Variants in CEP70 observed in about 807,000 individuals in gnomAD.
CEP70 encodes centrosomal protein 70.
CEP70 carries 70 observed loss-of-function variants against 90.9 expected under a neutral mutation model. That is an observed-to-expected ratio of 0.77 (90% confidence interval 0.64 to 0.94). CEP70 has a LOEUF of 0.94. Among genes scored for constraint, CEP70 ranks in the 40% least tolerant of loss-of-function variants. The pLI, the probability that CEP70 is intolerant of heterozygous loss-of-function variation, is 0.00. For missense variants in CEP70, 648 were observed against 669.0 expected, an observed-to-expected ratio of 0.97 and a Z score of 0.35; for synonymous variants, 220 against 228.3, an observed-to-expected ratio of 0.96 and a Z score of 0.33.
intron 6 of CEP70, among the ~76,000 whole-genome samples, chr3:138,548,368 A>T (rs1230558165): frequency 6.6e-6 from 1 of 152,198 alleles, no homozygotes; most frequent in African/African-American, 2.4e-5. Flanking sequence ...CCTTTCTAAG[A>T]TCATGGTATG....
intron 7 of CEP70, among the ~76,000 whole-genome samples, chr3:138,535,385 C>CA (rs147044984): frequency 9.7e-4 from 148 of 152,282 alleles, no homozygotes; most frequent in African/African-American, 3.5e-3. Context: ...CTATCTGCCC[C>CA]ACCTTATAGT....
In CEP70 at chr3:138,592,043, A is replaced by C. The variant is rs2042408749; in HGVS notation, c.-108-87T>G. The C allele has an allele frequency of 7.2e-6, 4 of 559,206 alleles. No homozygotes were observed. The East Asian group carries it at 1.3e-4, about 18-fold the overall frequency. 34.6% of individuals were successfully genotyped at this position (559,206 alleles called of 1,614,324 possible). On this transcript the variant is annotated intron_variant, in intron 1 of 17. Transcript: ENST00000264982. ...GTCTTGTGTTACTCCCAGAGCAGGCATCCAAGGTACTGGTAATCACAGATA... is the reference window on the plus strand; with the variant it reads ...GTCTTGTGTTACTCCCAGAGCAGGCCTCCAAGGTACTGGTAATCACAGATA...
At chr3:138,517,902 G>A (rs2036200742) in intron 11 of CEP70, among the ~76,000 whole-genome samples, 1 of 152,228 alleles carries the variant, frequency 6.6e-6, no homozygotes, top group South Asian at 2.1e-4. Flanking sequence ...CACCCGGGAA[G>A]CACAAAGGGT....
intron 6 of CEP70, among the ~76,000 whole-genome samples, chr3:138,554,138 T>G (rs148527699): frequency 6.6e-6 from 1 of 151,318 alleles, no homozygotes; most frequent in Non-Finnish European, 1.5e-5. Flanking sequence ...GAGGCGGAGA[T>G]TTCAGTGAGC....
intron 13 of CEP70, among the ~76,000 whole-genome samples, chr3:138,504,324 A>C (rs184030504): frequency 6.4e-4 from 97 of 152,232 alleles, no homozygotes; most frequent in African/African-American, 2.1e-3. Context: ...GTCGAAATTT[A>C]AAAAAAATTA....
intron 11 of CEP70, among the ~76,000 whole-genome samples, chr3:138,524,841 T>G (rs1560329746): frequency 6.6e-6 from 1 of 152,224 alleles, no homozygotes; most frequent in Non-Finnish European, 1.5e-5. Context: ...TCAACCATTG[T>G]GGAAGACAGT....
chr3:138,515,848 C>G (rs2035964810), intron 11 of CEP70, among the ~76,000 whole-genome samples: 1 of 152,152 alleles, frequency 6.6e-6, no homozygotes, highest in Non-Finnish European at 1.5e-5. Context: ...CTACATCCTC[C>G]TTCTCCTAGT....
intron 11 of CEP70, among the ~76,000 whole-genome samples, chr3:138,514,619 T>A (rs1369538394): frequency 1.3e-5 from 2 of 152,222 alleles, no homozygotes; most frequent in African/African-American, 4.8e-5. Context: ...TTTTTTAAGT[T>A]TTTAAAGTTT....
At position 138,498,109 on chromosome 3, in the gene CEP70, T is replaced by A; in HGVS notation, c.1654A>T (p.Ile552Phe). The stretch of plus-strand genomic sequence containing the variant: ...TCGTGTTCTTCCAATTTGTAGATAA[T>A]GCTGTTTAAAAAATGCACAATTTAA... ...QVLGPEDLQS[I>F]IYKLEEHEEF... The change falls in exon 17 of 18, where the codon ATT (isoleucine) becomes TTT (phenylalanine). Residue 552 changes from isoleucine to phenylalanine, a missense_variant and splice_region_variant. Physicochemically the swap from Ile to Phe is conservative, Grantham distance 21 (BLOSUM62 0). Coordinates refer to ENST00000264982, the MANE Select transcript of CEP70 (RefSeq NM_024491.4). The A allele has an allele frequency of 6.2e-7, 1 of 1,611,778 alleles. No homozygotes were observed. Among genetic ancestry groups the A allele is most frequent in the South Asian group, 1.1e-5 (1 of 90,588 alleles).
At chr3:138,561,196 C>G (rs555111235) in intron 6 of CEP70, among the ~76,000 whole-genome samples, 1 of 152,088 alleles carries the variant, frequency 6.6e-6, no homozygotes, top group Non-Finnish European at 1.5e-5. Context: ...GAGGAAGGAA[C>G]AGACAGCAAT....
intron 11 of CEP70, among the ~76,000 whole-genome samples, chr3:138,523,477 C>T (rs1444854784): frequency 1.3e-5 from 2 of 152,170 alleles, no homozygotes; most frequent in East Asian, 3.9e-4. Context: ...TAGAAAACCC[C>T]ATTGTCTCAG....
intron 17 of CEP70, 94 bp downstream of exon 17, chr3:138,497,937 A>T: frequency 1.3e-6 from 2 of 1,548,364 alleles, no homozygotes. Context: ...ACCACTAGGT[A>T]AAAATACTAA....
intron 11 of CEP70, among the ~76,000 whole-genome samples, chr3:138,508,990 C>T (rs1036494487): frequency 1.3e-5 from 2 of 152,176 alleles, no homozygotes; most frequent in African/African-American, 4.8e-5. Flanking sequence ...ACCTCAGCCT[C>T]CCAAAGTGTT....
chr3:138,561,297 G>A (rs2040390081), intron 6 of CEP70, among the ~76,000 whole-genome samples: 1 of 152,068 alleles, frequency 6.6e-6, no homozygotes, highest in South Asian at 2.1e-4. Context: ...TGCAGCAGAG[G>A]GGCCTGACTG....
intron 6 of CEP70, among the ~76,000 whole-genome samples, chr3:138,564,120 C>T (rs2040609667): frequency 6.6e-6 from 1 of 152,160 alleles, no homozygotes; most frequent in Non-Finnish European, 1.5e-5. Context: ...AATTCCTGGA[C>T]ACATACACCC....
At chr3:138,567,464 G>A (rs1417532718) in intron 6 of CEP70, among the ~76,000 whole-genome samples, 2 of 152,174 alleles carry the variant, frequency 1.3e-5, no homozygotes, top group African/African-American at 4.8e-5. Context: ...AGGCAACTAA[G>A]ATGATAACAC....
intron 13 of CEP70, among the ~76,000 whole-genome samples, chr3:138,501,312 T>C (rs1454847647): frequency 1.3e-5 from 2 of 152,180 alleles, no homozygotes; most frequent in African/African-American, 4.8e-5. Context: ...CCATAAAATT[T>C]ACCCTAAGTA....
Position 138,525,270 on chromosome 3 carries a change from G to C in CEP70, c.944+220C>G, listed in dbSNP as rs6793946. On this transcript the variant is annotated intron_variant, in intron 11 of 17. Coordinates refer to ENST00000264982, the MANE Select transcript of CEP70 (RefSeq NM_024491.4). ...CATACACTGGGGCCTGTTATGGGGT[G>C]GGGGGAGTGGGGAGGGATAGCATTA... Among the ~76,000 whole-genome samples the C allele has an allele frequency of 4.9e-3, 752 of 152,120 alleles. 4 individuals carry two copies. The highest frequency in any genetic ancestry group is 0.017 in the African/African-American group (696 of 41,506).
intron 3 of CEP70, among the ~76,000 whole-genome samples, chr3:138,572,360 GT>G (rs1278833806): frequency 5.9e-5 from 9 of 152,048 alleles, no homozygotes; most frequent in Admixed American, 5.9e-4. Context: ...TGATCACAGA[GT>G]TTAACTACGT....
Sources: allele counts gnomAD v4.1 joint callset (sites outside exome capture counted in the v4.1 genomes callset), GRCh38; gene constraint gnomAD v4.1.1; transcripts MANE v1.5; gene names NCBI Gene and HGNC (gene_info 2026-07-23, HGNC 2026-07-21).